The following SDCCAG8 variants were observed in gnomAD, a reference collection of about 807,000 sequenced individuals.
SDCCAG8 encodes SHH signaling and ciliogenesis regulator SDCCAG8, also known as serologically defined colon cancer antigen 8.
Under a neutral mutation model 101.8 loss-of-function variants are expected in SDCCAG8, and 74 were observed. That is an observed-to-expected ratio of 0.73 (90% CI 0.60 to 0.88). The LOEUF (loss-of-function observed/expected upper bound fraction) is 0.88. Among genes scored for constraint, SDCCAG8 ranks in the 40% least tolerant of loss-of-function variants. SDCCAG8 has a pLI of 0.00. For synonymous variants in SDCCAG8, 281 were observed against 292.9 expected, an observed-to-expected ratio of 0.96 and a Z score of 0.41; for missense variants, 787 against 822.6, an observed-to-expected ratio of 0.96 and a Z score of 0.53.
intron 9 of SDCCAG8, among the ~76,000 whole-genome samples, chr1:243,328,004 G>C (rs906315514): frequency 1.3e-5 from 2 of 152,046 alleles, no homozygotes; most frequent in Non-Finnish European, 2.9e-5. Flanking sequence ...CCGGGTTCAC[G>C]CCATTCTCCT....
chr1:243,283,907 G>GT (rs1176412985), intron 4 of SDCCAG8, among the ~76,000 whole-genome samples: 5 of 151,636 alleles, frequency 3.3e-5, no homozygotes, highest in South Asian at 2.1e-4. Context: ...CCCCCGGCTA[G>GT]TTTTTTTTGC....
chr1:243,317,032 C>A, intron 9 of SDCCAG8, 139 bp downstream of exon 9: 1 of 919,438 alleles, frequency 1.1e-6, no homozygotes, highest in Admixed American at 2.6e-5. Context: ...TTAATGTTGA[C>A]TTTTCTGAAT....
At chr1:243,465,467 T>A (rs1375293831) in intron 16 of SDCCAG8, among the ~76,000 whole-genome samples, 1 of 152,260 alleles carries the variant, frequency 6.6e-6, no homozygotes, top group Non-Finnish European at 1.5e-5. Context: ...CAATTTTGAA[T>A]GTACTATGTT....
At position 243,295,738 on chromosome 1, in the gene SDCCAG8, C is replaced by T. The variant is rs140006044; in HGVS notation, c.675+2519C>T. On this transcript the variant is annotated intron_variant, in intron 6 of 17. Transcript: ENST00000366541. ...CAGTCTTCAGGGTATAGTTGAAATG[C>T]GCCCTCTCATTCTGCTTTCCCGAAT... is the stretch of plus-strand genomic sequence containing the variant. 1.8e-3 allele frequency among the ~76,000 whole-genome samples: 280 copies of T among 152,274 alleles called. 1 individual carries two copies. Among genetic ancestry groups the T allele is most frequent in the South Asian group, 6.8e-3 (33 of 4,824 alleles).
intron 16 of SDCCAG8, among the ~76,000 whole-genome samples, chr1:243,476,822 C>T (rs993341265): frequency 6.6e-6 from 1 of 152,122 alleles, no homozygotes; most frequent in Non-Finnish European, 1.5e-5. Flanking sequence ...GGCCAGTCAA[C>T]AAGATTAGAA....
chr1:243,312,142 A>G (rs757140154), intron 8 of SDCCAG8, among the ~76,000 whole-genome samples: 2 of 152,230 alleles, frequency 1.3e-5, no homozygotes, highest in Admixed American at 6.5e-5. Flanking sequence ...ACTAATGCAG[A>G]GTGCTGAATA....
chr1:243,341,518 G>T (rs1049312560), intron 11 of SDCCAG8, among the ~76,000 whole-genome samples: 2 of 152,102 alleles, frequency 1.3e-5, no homozygotes, highest in African/African-American at 4.8e-5. Flanking sequence ...AATTAATTAA[G>T]AGTGCTTTGT....
intron 16 of SDCCAG8, among the ~76,000 whole-genome samples, chr1:243,446,825 T>C (rs866608657): frequency 6.6e-6 from 1 of 152,288 alleles, no homozygotes. Flanking sequence ...TGCTTGGGGC[T>C]GCAGCCAGGC....
chr1:243,293,368 T>C, intron 6 of SDCCAG8, 149 bp downstream of exon 6: 2 of 819,622 alleles, frequency 2.4e-6, no homozygotes, highest in Non-Finnish European at 4.1e-6. Context: ...TACATTCATG[T>C]CACTCAATCA....
rs1662033715 is a variant in SDCCAG8 at position 243,474,711 on chromosome 1, G to C, written c.1986-14303G>C. Among the ~76,000 whole-genome samples, 1 of 152,232 alleles carries C rather than the reference G, an allele frequency of 6.6e-6. No homozygotes were observed. Among genetic ancestry groups the C allele is most frequent in the Admixed American group, 6.5e-5 (1 of 15,282 alleles). ...CACAATTGCCCAGCGTGGGGTGGAAGGCAGGCTGGGAGCTCCCGGGACGCG... is the reference window on the plus strand; with the variant it reads ...CACAATTGCCCAGCGTGGGGTGGAACGCAGGCTGGGAGCTCCCGGGACGCG... On this transcript the variant is annotated intron_variant, in intron 16 of 17. Coordinates refer to ENST00000366541, the MANE Select transcript of SDCCAG8 (RefSeq NM_006642.5). This position sits in a 1 kb window ranked among gnomAD's most constrained non-coding sequence, Gnocchi z 4.7.
chr1:243,395,181 G>A (rs1270405926), intron 13 of SDCCAG8, among the ~76,000 whole-genome samples: 1 of 152,122 alleles, frequency 6.6e-6, no homozygotes, highest in Admixed American at 6.5e-5. Context: ...CTACTAGTGT[G>A]TTTTTGAAAC....
intron 10 of SDCCAG8, among the ~76,000 whole-genome samples, chr1:243,337,750 C>A (rs2075110579): frequency 6.6e-6 from 1 of 152,046 alleles, no homozygotes; most frequent in Non-Finnish European, 1.5e-5. Context: ...AGAGACGGAG[C>A]CTTCTTGGAT....
At chr1:243,486,262 T>C (rs1330983506) in intron 16 of SDCCAG8, among the ~76,000 whole-genome samples, 5 of 134,646 alleles carry the variant, frequency 3.7e-5, no homozygotes, top group Middle Eastern at 4.0e-3. Context: ...ATACTGGGAG[T>C]GTTCAAGTTG....
chr1:243,419,546 A>G (rs1451529718), intron 15 of SDCCAG8, among the ~76,000 whole-genome samples: 1 of 152,210 alleles, frequency 6.6e-6, no homozygotes, highest in African/African-American at 2.4e-5. Flanking sequence ...GAAATTTATT[A>G]TATAAAAGAG....
intron 12 of SDCCAG8, among the ~76,000 whole-genome samples, chr1:243,357,896 A>G (rs6429423): frequency 0.028 from 4,204 of 152,280 alleles, 188 homozygotes; most frequent in African/African-American, 0.096. Context: ...CCACAGGTAA[A>G]AGAAAGAACT....
chr1:243,395,786 A>G (rs1029919830), intron 13 of SDCCAG8, among the ~76,000 whole-genome samples: 15 of 152,094 alleles, frequency 9.9e-5, no homozygotes, highest in Non-Finnish European at 1.8e-4. Flanking sequence ...CAGAACTTTA[A>G]GATTTAAATT....
At chr1:243,363,090 G>C (rs1050576705) in intron 12 of SDCCAG8, among the ~76,000 whole-genome samples, 2 of 152,120 alleles carry the variant, frequency 1.3e-5, no homozygotes, top group Non-Finnish European at 2.9e-5. Context: ...CACATCGGTG[G>C]CATCCTCATT....
intron 7 of SDCCAG8, chr1:243,306,609 G>A (rs1381240901): frequency 6.6e-6 from 1 of 151,978 alleles, no homozygotes; most frequent in Non-Finnish European, 1.5e-5. Context: ...TGAGTGTTTT[G>A]AGTTTGGAGC....
intron 13 of SDCCAG8, among the ~76,000 whole-genome samples, chr1:243,382,176 G>A (rs1313444463): frequency 1.3e-5 from 2 of 152,134 alleles, no homozygotes; most frequent in African/African-American, 4.8e-5. Context: ...GGCCATCTCC[G>A]GAGTTTCGCC....
Sources: gnomAD v4.1 joint callset for allele counts (sites outside exome capture counted in the v4.1 genomes callset) on GRCh38, gnomAD v4.1.1 for gene constraint, Gnocchi (gnomAD v3.1) non-coding constraint, MANE v1.5 for transcripts, NCBI Gene and HGNC (gene_info 2026-07-23, HGNC 2026-07-21) for gene names.